PRKCZ: variants seen among roughly 807,000 people sequenced by gnomAD.
PRKCZ encodes the protein protein kinase C zeta type.
PRKCZ carries 33 observed loss-of-function variants against 79.5 expected under a neutral mutation model. That is an observed-to-expected ratio of 0.41 (90% CI 0.31 to 0.55). PRKCZ has a LOEUF of 0.55. Ranked by LOEUF, PRKCZ falls within the 20% of genes least tolerant of loss-of-function variation. The pLI is 0.19. For synonymous variants in PRKCZ, 342 were observed against 320.9 expected, an observed-to-expected ratio of 1.07 and a Z score of -0.70; for missense variants, 578 against 813.5, an observed-to-expected ratio of 0.71 and a Z score of 3.52.
chr1:2,171,216 G>A (rs1481999143), intron 11 of PRKCZ, among the ~76,000 whole-genome samples: 6 of 151,454 alleles, frequency 4.0e-5, no homozygotes, highest in South Asian at 2.1e-4. Flanking sequence ...GGTGGCGGGC[G>A]CCTGTAGTCC....
chr1:2,177,976 A>C lies in PRKCZ; in HGVS notation c.1575+2663A>C, dbSNP rs939561312. ...TTTCCTTGCCACCCATCAGCTCTTG[A>C]GGCTTTTAGGAAGAAGTGTGGCTGT... On this transcript the variant is annotated intron_variant, in intron 16 of 17. Transcript: ENST00000378567. This position sits in a 1 kb window ranked among gnomAD's most constrained non-coding sequence, Gnocchi z 6.4. 6.6e-6 allele frequency among the ~76,000 whole-genome samples: 1 copy of C among 152,080 alleles called. No individual in the cohort carries two copies. The highest frequency in any genetic ancestry group is 1.5e-5 in the Non-Finnish European group (1 of 68,018).
At chr1:2,104,683 G>A in intron 4 of PRKCZ, 1 of 985,862 alleles carries the variant, frequency 1.0e-6, no homozygotes, top group Non-Finnish European at 1.2e-6. Flanking sequence ...GGAGGAGAGA[G>A]GGAGGCTGGG....
chr1:2,166,945 G>C (rs1683456895), intron 10 of PRKCZ, among the ~76,000 whole-genome samples: 2 of 152,242 alleles, frequency 1.3e-5, no homozygotes, highest in Non-Finnish European at 2.9e-5. Context: ...CGTGAGGAGA[G>C]GAGTGGGCTC....
rs114158748 is a variant in PRKCZ at position 2,172,339 on chromosome 1, C to T, written c.1236C>T (p.Cys412=). The T allele has an allele frequency of 6.1e-4, 988 of 1,613,560 alleles. 5 individuals carry two copies. The African/African-American group carries it at 0.011, about 18-fold the overall frequency. The change falls in exon 13 of 18, where the codon TGC becomes TGT. Residue 412 remains cysteine (C), a synonymous_variant. Transcript: ENST00000378567. This position sits in a 1 kb window ranked among gnomAD's most constrained non-coding sequence, Gnocchi z 7.8. ...CTGGTGACACAACGAGCACTTTCTG[C>T]GGAACCCCGAATTACATCGCCCCCG... The part of the protein sequence containing the change: ...LGPGDTTSTF[C]GTPNYIAPEI...
intron 5 of PRKCZ, 35 bp from the exon 6 acceptor site, chr1:2,144,174 TG>T: frequency 1.3e-6 from 2 of 1,546,072 alleles, no homozygotes; most frequent in Non-Finnish European, 1.8e-6. Flanking sequence ...GGCCCCTCAG[TG>T]TGGCCTGGGC....
chr1:2,180,360 C>A (rs1030455911), intron 16 of PRKCZ, among the ~76,000 whole-genome samples: 5 of 151,640 alleles, frequency 3.3e-5, no homozygotes, highest in Non-Finnish European at 7.4e-5. Flanking sequence ...ACGTGGACAC[C>A]CAGACGATGT....
chr1:2,050,414 C>A lies in PRKCZ; in HGVS notation c.-217C>A. Reference sequence around the variant, plus strand: ...TGGCTCCACCTCGGTCCGCCATGTTCGGACACCGCCCCCCGCCCCCGCCGG... The same window carrying A: ...TGGCTCCACCTCGGTCCGCCATGTTAGGACACCGCCCCCCGCCCCCGCCGG... On this transcript the variant is annotated 5_prime_UTR_variant, in exon 1 of 18. Coordinates refer to ENST00000378567, the MANE Select transcript of PRKCZ (RefSeq NM_002744.6). 1 of 182,504 alleles carries A rather than the reference C, an allele frequency of 5.5e-6. No individual in the cohort carries two copies. The highest frequency in any genetic ancestry group is 1.7e-4 in the South Asian group (1 of 5,716). The allele number at this position is 182,504 out of a possible 1,614,324, so 11.3% of individuals were successfully genotyped here.
chr1:2,094,834 T>G lies in PRKCZ; in HGVS notation c.334+35243T>G, dbSNP rs1266742038. Among the ~76,000 whole-genome samples the G allele has an allele frequency of 6.6e-6, 1 of 152,200 alleles. No individual in the cohort carries two copies. Among genetic ancestry groups the G allele is most frequent in the African/African-American group, 2.4e-5 (1 of 41,430 alleles). ...GGCTTCTCTGCTGGCTCTTTTGGCC[T>G]TGGATTCATTTCTGGAGCTGCAGAG... is the stretch of plus-strand genomic sequence containing the variant. On this transcript the variant is annotated intron_variant, in intron 4 of 17. Transcript: ENST00000378567. This position sits in a 1 kb window ranked among gnomAD's most constrained non-coding sequence, Gnocchi z 7.3.
chr1:2,061,223 G>C (rs1376799698), intron 4 of PRKCZ, among the ~76,000 whole-genome samples: 1 of 152,196 alleles, frequency 6.6e-6, no homozygotes, highest in Non-Finnish European at 1.5e-5. Context: ...GCCCCTGGGC[G>C]CGGGGGAAGC....
chr1:2,172,424 C>G lies in PRKCZ; in HGVS notation c.1285+36C>G. 6.3e-7 allele frequency: 1 copy of G among 1,591,852 alleles called. No homozygotes were observed. Among genetic ancestry groups the G allele is most frequent in the African/African-American group, 1.3e-5 (1 of 74,518 alleles). Reference sequence around the variant, plus strand: ...CTGCCCTGGCCCCTCTCGGAGCACACAGGGCCAGAGATGGCTTCGGGCCTG... The same window carrying G: ...CTGCCCTGGCCCCTCTCGGAGCACAGAGGGCCAGAGATGGCTTCGGGCCTG... On this transcript the variant is annotated intron_variant, in intron 13 of 17. Coordinates refer to ENST00000378567, the MANE Select transcript of PRKCZ (RefSeq NM_002744.6). The surrounding 1 kb of genome is among the most constrained non-coding windows in gnomAD (Gnocchi z 7.8).
rs927212723 is a variant in PRKCZ at position 2,149,439 on chromosome 1, C to T, written c.687+515C>T. Among the ~76,000 whole-genome samples, 1 of 152,208 alleles carries T rather than the reference C, an allele frequency of 6.6e-6. No homozygotes were observed. The highest frequency in any genetic ancestry group is 2.4e-5 in the African/African-American group (1 of 41,456). On this transcript the variant is annotated intron_variant, in intron 8 of 17. Coordinates refer to ENST00000378567, the MANE Select transcript of PRKCZ (RefSeq NM_002744.6). The surrounding 1 kb of genome is among the most constrained non-coding windows in gnomAD (Gnocchi z 4.1). ...GCTTGCTGCGTTCTCAGCCTCTGCT[C>T]GTAAAACCCAGGGAAGGACTGCACT...
intron 4 of PRKCZ, among the ~76,000 whole-genome samples, chr1:2,103,895 G>T (rs1234067967): frequency 6.6e-6 from 1 of 152,190 alleles, no homozygotes; most frequent in Non-Finnish European, 1.5e-5. Context: ...ACGCGCCCCC[G>T]TTTAAACACC....
rs45536443 is a variant in PRKCZ, at chr1:2,184,550, C to T, written c.1576-33C>T. On this transcript the variant is annotated intron_variant, in intron 16 of 17. Transcript: ENST00000378567. Reference sequence around the variant, plus strand: ...CAATCTGGTAGGGATGATGCCCGCGCGGAGCTGACCCTTCTCCTATTGTTT... The same window carrying T: ...CAATCTGGTAGGGATGATGCCCGCGTGGAGCTGACCCTTCTCCTATTGTTT... 2.3e-4 allele frequency: 359 copies of T among 1,563,984 alleles called. 3 individuals are homozygous for T. In the East Asian group the frequency reaches 7.2e-3, roughly 31 times the overall value.
At position 2,082,439 on chromosome 1, in the gene PRKCZ, A is replaced by G. The variant is rs1663722154; in HGVS notation, c.334+22848A>G. On this transcript the variant is annotated intron_variant, in intron 4 of 17. Transcript: ENST00000378567. This position sits in a 1 kb window ranked among gnomAD's most constrained non-coding sequence, Gnocchi z 4.4. ...GGCCAGCAGAGAGAATTGAGTTTGC[A>G]TGGAGACTGTAATTTCATTCTGTGA... 2.2e-6 allele frequency: 1 copy of G among 455,920 alleles called. No individual in the cohort carries two copies. The highest frequency in any genetic ancestry group is 1.5e-5 in the South Asian group (1 of 64,524). 28.2% of individuals were successfully genotyped at this position (455,920 alleles called of 1,614,324 possible).
chr1:2,081,852 C>T (rs1440722633), intron 4 of PRKCZ, among the ~76,000 whole-genome samples: 2 of 152,084 alleles, frequency 1.3e-5, no homozygotes, highest in African/African-American at 4.8e-5. Flanking sequence ...TTCCTGCTGC[C>T]CTCTGTGCTG....
chr1:2,180,473 C>T (rs551454920), intron 16 of PRKCZ, among the ~76,000 whole-genome samples: 74 of 151,114 alleles, frequency 4.9e-4, no homozygotes, highest in Non-Finnish European at 1.0e-3. Flanking sequence ...GACACCCAGA[C>T]GACGCGGACG....
At chr1:2,109,377 G>C (rs1409720271) in intron 4 of PRKCZ, among the ~76,000 whole-genome samples, 1 of 152,336 alleles carries the variant, frequency 6.6e-6, no homozygotes, top group East Asian at 1.9e-4. Flanking sequence ...GTCTCTGGGG[G>C]GTGACCCTTG....
chr1:2,070,575 G>C (rs1205107983), intron 4 of PRKCZ, among the ~76,000 whole-genome samples: 1 of 152,212 alleles, frequency 6.6e-6, no homozygotes, highest in Non-Finnish European at 1.5e-5. Context: ...GGATGCAAGG[G>C]TGGCAAAGTC....
At chr1:2,132,023 G>C (rs1006286948) in intron 4 of PRKCZ, among the ~76,000 whole-genome samples, 1 of 152,186 alleles carries the variant, frequency 6.6e-6, no homozygotes, top group Non-Finnish European at 1.5e-5. Context: ...GTGTTAGCCA[G>C]GATGGTCTCG....
Sources: gnomAD v4.1 joint callset for allele counts (sites outside exome capture counted in the v4.1 genomes callset) on GRCh38, gnomAD v4.1.1 for gene constraint, Gnocchi (gnomAD v3.1) non-coding constraint, MANE v1.5 for transcripts, NCBI Gene and HGNC (gene_info 2026-07-23, HGNC 2026-07-21) for gene names.